ABCC4: variants seen among roughly 807,000 people sequenced by gnomAD.
ABCC4 encodes ATP binding cassette subfamily C member 4 (PEL blood group).
A neutral mutation model predicts 168.5 loss-of-function variants in ABCC4; 102 were observed. That is an observed-to-expected ratio of 0.61 (90% CI 0.52 to 0.71). The LOEUF is 0.71. Among genes scored for constraint, ABCC4 ranks in the 30% least tolerant of loss-of-function variants. ABCC4 has a pLI of 0.00. For missense variants in ABCC4, 1,402 were observed against 1,605.8 expected (o/e 0.87, Z 2.17); for synonymous variants, 617 against 590.7 (o/e 1.04, Z -0.65).
intron 27 of ABCC4, among the ~76,000 whole-genome samples, chr13:95,052,730 C>T (rs2032894924): frequency 6.6e-6 from 1 of 152,138 alleles, no homozygotes; most frequent in African/African-American, 2.4e-5. Context: ...ATGGTCTTCC[C>T]TTACTAGAAA....
At chr13:95,045,235 G>A (rs1199984243) in intron 27 of ABCC4, among the ~76,000 whole-genome samples, 2 of 152,154 alleles carry the variant, frequency 1.3e-5, no homozygotes, top group African/African-American at 4.8e-5. Flanking sequence ...AGCACATTTT[G>A]GAGACGAGTG....
rs1459350445 is a variant in ABCC4, at chr13:95,083,186, T to C, written c.2640A>G (p.Arg880=). ...CATCTCTTGACGTTTCCAAAAAATA[T>C]CGCCGAAGAAAAATGAAAATGATTC... ...PLGIIFIFLR[R]YFLETSRDVK... is the part of the protein sequence containing the mutation. Residue 880 remains arginine (R), a synonymous_variant, in exon 21 of 31, where the codon CGA becomes CGG. Transcript: ENST00000645237. 1 of 1,613,974 alleles carries C rather than the reference T, an allele frequency of 6.2e-7. No homozygotes were observed. The highest frequency in any genetic ancestry group is 1.7e-5 in the Admixed American group (1 of 60,000).
In ABCC4 at chr13:95,136,262, T is replaced by A. The variant is rs190404033; in HGVS notation, c.2456-20261A>T. On this transcript the variant is annotated intron_variant, in intron 19 of 30. Coordinates refer to ENST00000645237, the MANE Select transcript of ABCC4 (RefSeq NM_005845.5). ...ATCTCGGCTCACTGCAACCTCCGTCTTCTGGGCTTAGCCTCCCAAGTAGCT... is the reference window on the plus strand; with the variant it reads ...ATCTCGGCTCACTGCAACCTCCGTCATCTGGGCTTAGCCTCCCAAGTAGCT... Among the ~76,000 whole-genome samples the A allele has an allele frequency of 1.9e-4, 29 of 152,092 alleles. No homozygotes were observed. The East Asian group carries it at 5.6e-3, about 30-fold the overall frequency.
intron 29 of ABCC4, among the ~76,000 whole-genome samples, chr13:95,039,669 G>A (rs2032273146): frequency 6.6e-6 from 1 of 152,156 alleles, no homozygotes; most frequent in Admixed American, 6.5e-5. Context: ...AGTTACATAA[G>A]CTCAATGAAG....
intron 19 of ABCC4, among the ~76,000 whole-genome samples, chr13:95,149,532 C>A (rs920186772): frequency 2.0e-5 from 3 of 151,830 alleles, no homozygotes; most frequent in Non-Finnish European, 2.9e-5. Context: ...CATTCTGACA[C>A]CAACAGGAGG....
intron 19 of ABCC4, among the ~76,000 whole-genome samples, chr13:95,149,508 T>G (rs2036606066): frequency 1.3e-5 from 2 of 152,182 alleles, no homozygotes; most frequent in South Asian, 4.1e-4. Flanking sequence ...GAAATAAATT[T>G]TATGCGCCCA....
chr13:95,043,871 AT>A, intron 28 of ABCC4, 84 bp from the exon 29 acceptor site: 1 of 858,980 alleles, frequency 1.2e-6, no homozygotes. Context: ...CACAATAGAG[AT>A]TTAAAAAAAA....
intron 20 of ABCC4, among the ~76,000 whole-genome samples, chr13:95,094,557 T>G (rs1262403748): frequency 6.6e-6 from 1 of 152,118 alleles, no homozygotes; most frequent in Non-Finnish European, 1.5e-5. Context: ...ACCTGGAAAC[T>G]ATAAAAATTC....
Position 95,129,586 on chromosome 13 carries a change from GTATAA to G in ABCC4, c.2456-13590_2456-13586del, listed in dbSNP as rs796652595. ...TATGAAAAATAAGTAAAACAAAAATGTATAATATAACTAAAATGGATAGTATTTCT... is the reference window on the plus strand; with the variant it reads ...TATGAAAAATAAGTAAAACAAAAATGTATAACTAAAATGGATAGTATTTCT... On this transcript the variant is annotated intron_variant, in intron 19 of 30. Coordinates refer to ENST00000645237, the MANE Select transcript of ABCC4 (RefSeq NM_005845.5). 1.9e-3 allele frequency among the ~76,000 whole-genome samples: 282 copies of G among 152,058 alleles called. 2 individuals are homozygous for G. The highest frequency in any genetic ancestry group is 5.9e-3 in the African/African-American group (245 of 41,460).
chr13:95,270,354 A>AG (rs58523412), intron 1 of ABCC4, among the ~76,000 whole-genome samples: 3 of 119,810 alleles, frequency 2.5e-5, no homozygotes, highest in African/African-American at 8.3e-5. Flanking sequence ...AAAAAAAAAA[A>AG]AAAGAAAGAA....
chr13:95,026,196 G>A (rs910250964), intron 30 of ABCC4, among the ~76,000 whole-genome samples: 11 of 152,056 alleles, frequency 7.2e-5, no homozygotes, highest in Non-Finnish European at 1.3e-4. Flanking sequence ...CCAAGAGCAC[G>A]CCACTGCACT....
chr13:95,069,970 T>A (rs9524789), intron 25 of ABCC4, among the ~76,000 whole-genome samples: 83,731 of 151,984 alleles, frequency 0.55, 23,778 homozygotes, highest in South Asian at 0.74. Flanking sequence ...CCAGGCATGG[T>A]GGCTCATGCC....
At chr13:95,078,352 C>T (rs948831929) in intron 21 of ABCC4, among the ~76,000 whole-genome samples, 1 of 152,088 alleles carries the variant, frequency 6.6e-6, no homozygotes, top group South Asian at 2.1e-4. Context: ...GTGGAAGTTG[C>T]AGTAAGCCAA....
chr13:95,225,153 T>TCTCTCACACA (rs1360466403), intron 4 of ABCC4, among the ~76,000 whole-genome samples: 8 of 35,270 alleles, frequency 2.3e-4, no homozygotes, highest in African/African-American at 4.4e-4. Flanking sequence ...TCTCTCTCTC[T>TCTCTCACACA]CACACACACA....
At chr13:95,164,122 C>G (rs969633842) in intron 16 of ABCC4, among the ~76,000 whole-genome samples, 1 of 151,738 alleles carries the variant, frequency 6.6e-6, no homozygotes, top group African/African-American at 2.4e-5. Flanking sequence ...CAGCTCAGGT[C>G]TGTGCCAAGC....
chr13:95,221,005 T>G (rs746494578), intron 4 of ABCC4, among the ~76,000 whole-genome samples: 3 of 152,214 alleles, frequency 2.0e-5, no homozygotes, highest in Non-Finnish European at 4.4e-5. Flanking sequence ...GCAGAAGTTT[T>G]TCACTAAATG....
chr13:95,170,782 G>A (rs575804849), intron 13 of ABCC4, among the ~76,000 whole-genome samples, 154 bp from the exon 14 acceptor site: 5 of 152,172 alleles, frequency 3.3e-5, no homozygotes, highest in South Asian at 2.1e-4. Flanking sequence ...CAATAAAGCC[G>A]GCTAGGTCCT....
In ABCC4 at chr13:95,044,480, G is replaced by A. The variant is rs376211161; in HGVS notation, c.3457-42C>T. 2.9e-4 allele frequency: 448 copies of A among 1,550,076 alleles called. 3 individuals are homozygous for A. Among genetic ancestry groups the A allele is most frequent in the Middle Eastern group, 6.0e-4 (3 of 5,022 alleles). Reference sequence around the variant, plus strand: ...AAGAATGACTGCTATCATTCAAGCCGCTATGGAAGTAGTCAAGCCTCATAG... The same window carrying A: ...AAGAATGACTGCTATCATTCAAGCCACTATGGAAGTAGTCAAGCCTCATAG... On this transcript the variant is annotated intron_variant, in intron 27 of 30. Coordinates refer to ENST00000645237, the MANE Select transcript of ABCC4 (RefSeq NM_005845.5).
chr13:95,240,455 C>T (rs1426184763), intron 3 of ABCC4, among the ~76,000 whole-genome samples: 1 of 151,734 alleles, frequency 6.6e-6, no homozygotes, highest in African/African-American at 2.4e-5. Context: ...CACTTGAACC[C>T]AGGAGGCAGA....
Sources: allele counts gnomAD v4.1 joint callset (sites outside exome capture counted in the v4.1 genomes callset), GRCh38; gene constraint gnomAD v4.1.1; transcripts MANE v1.5; gene names NCBI Gene and HGNC (gene_info 2026-07-23, HGNC 2026-07-21).